The following MKS1 variants were observed in gnomAD, a reference collection of about 807,000 sequenced individuals.
The protein encoded by MKS1 is MKS transition zone complex subunit 1.
A neutral mutation model predicts 83.7 loss-of-function variants in MKS1; 70 were observed. The ratio of observed to expected loss-of-function variants is 0.84; its 90% confidence interval spans 0.69 to 1.02. The LOEUF (loss-of-function observed/expected upper bound fraction) is 1.02, where lower values mean the gene tolerates loss of function less well. Among genes scored for constraint, MKS1 ranks in the 50% least tolerant of loss-of-function variants. MKS1 has a pLI of 0.00. For missense variants in MKS1, 681 were observed against 726.9 expected (o/e 0.94, Z 0.73); for synonymous variants, 251 against 273.4 (o/e 0.92, Z 0.81).
intron 14 of MKS1, chr17:58,207,624 A>G: frequency 1.7e-6 from 1 of 572,240 alleles, no homozygotes; most frequent in Non-Finnish European, 3.1e-6. Flanking sequence ...CACATATGCT[A>G]TGAGCCAATT....
intron 9 of MKS1, 23 bp downstream of exon 9, chr17:58,212,354 GC>G: frequency 6.2e-7 from 1 of 1,607,184 alleles, no homozygotes; most frequent in Admixed American, 1.7e-5. Flanking sequence ...AGCTCACAGT[GC>G]TGCAGGAAGC....
chr17:58,208,619 G>A (rs1192966178), intron 11 of MKS1, 36 bp from the exon 12 acceptor site: 2 of 1,585,044 alleles, frequency 1.3e-6, no homozygotes, highest in African/African-American at 1.3e-5. Context: ...AAGCTCGCCT[G>A]GGAGGAAAGC....
At chr17:58,211,484 A>G (rs1159194623) in intron 9 of MKS1, among the ~76,000 whole-genome samples, 4 of 152,266 alleles carry the variant, frequency 2.6e-5, no homozygotes, top group African/African-American at 7.2e-5. Context: ...AAGTAATTCT[A>G]TCCTTGTTTC....
At chr17:58,214,889 A>G (rs771519600) in intron 4 of MKS1, 51 bp from the exon 5 acceptor site, 2 of 1,562,438 alleles carry the variant, frequency 1.3e-6, no homozygotes, top group Non-Finnish European at 1.7e-6. Context: ...GGCCACATGG[A>G]GCCAAGTACC....
At chr17:58,210,280 G>A (rs766925299) in intron 11 of MKS1, among the ~76,000 whole-genome samples, 12 of 152,156 alleles carry the variant, frequency 7.9e-5, no homozygotes, top group Non-Finnish European at 1.2e-4. Flanking sequence ...GATGGATGAC[G>A]TTGCCCAGGA....
In MKS1 at chr17:58,207,174, C is replaced by T. The variant is rs773075697; in HGVS notation, c.1318G>A (p.Gly440Ser). The change falls in exon 15 of 18, where the codon GGC (glycine) becomes AGC (serine). Residue 440 changes from glycine (G) to serine (S), a missense_variant. By Grantham distance (56) the Gly-to-Ser change is moderately conservative. This residue lies in a region of MKS1 where 310 missense variants were observed against 321.7 expected (regional missense o/e 0.96). Transcript: ENST00000393119. ...AACCTCCTCAGCTCAGCCACCGTGC[C>T]AAGCTCCACAGGTCTCCACGTGGAG... Reference protein sequence around the residue: ...TVSTWRPVELGTVAELRRFFI... With the variant: ...TVSTWRPVELSTVAELRRFFI... The T allele has an allele frequency of 1.9e-6, 3 of 1,614,174 alleles. No homozygotes were observed. Among genetic ancestry groups the T allele is most frequent in the Non-Finnish European group, 2.5e-6 (3 of 1,180,036 alleles).
At chr17:58,210,619 T>C in intron 11 of MKS1, 40 bp downstream of exon 11, 2 of 1,572,758 alleles carry the variant, frequency 1.3e-6, no homozygotes, top group South Asian at 1.1e-5. Flanking sequence ...TAGATCTGTC[T>C]GAATGGGTAT....
At chr17:58,214,704 AG>A in intron 5 of MKS1, 36 bp downstream of exon 5, 1 of 1,578,796 alleles carries the variant, frequency 6.3e-7, no homozygotes, top group Admixed American at 1.8e-5. Context: ...GGAAATAAAA[AG>A]TAAAAGCTTG....
Position 58,216,242 on chromosome 17 carries a change from A to C in MKS1, c.263T>G (p.Phe88Cys), listed in dbSNP as rs886053170. 1 of 1,612,338 alleles carries C rather than the reference A, an allele frequency of 6.2e-7. No homozygotes were observed. Among genetic ancestry groups the C allele is most frequent in the Admixed American group, 1.7e-5 (1 of 60,032 alleles). ...IGWQEKLFSQ[F>C]EVDLYQNETA... is the part of the protein sequence containing the mutation. ...TTCATTTTGGTACAGATCTACTTCA[A>C]ACTGAGGTTACCATAAGGAAACAGA... Residue 88 changes from phenylalanine to cysteine, a missense_variant and splice_region_variant, in exon 4 of 18, where the codon TTT becomes TGT. Physicochemically the swap from Phe to Cys is radical, Grantham distance 205 (BLOSUM62 -2). Transcript: ENST00000393119.
intron 2 of MKS1, 92 bp downstream of exon 2, chr17:58,218,528 A>AGTATAGTATT: frequency 1.3e-6 from 1 of 798,538 alleles, no homozygotes; most frequent in Middle Eastern, 2.7e-4. Flanking sequence ...ACATATCAGA[A>AGTATAGTATT]GTATAGTATT....
chr17:58,207,210 T>A lies in MKS1; in HGVS notation c.1282A>T (p.Thr428Ser), dbSNP rs1211784754. The A allele has an allele frequency of 5.6e-6, 9 of 1,613,564 alleles. No homozygotes were observed. The highest frequency in any genetic ancestry group is 1.7e-6 in the Non-Finnish European group (2 of 1,179,920). ...GGTCTCCACGTGGAGACTGTCAGGG[T>A]GTGTGAGCCTGCGCAAGGGAAGAGA... ...VVLPATPGSH[T>S]LTVSTWRPVE... Residue 428 changes from threonine to serine, a missense_variant, in exon 15 of 18, where the codon ACC (threonine) becomes TCC (serine). Thr to Ser is a moderately conservative substitution (Grantham distance 58). This residue lies in a region of MKS1 where 310 missense variants were observed against 321.7 expected (regional missense o/e 0.96). Transcript: ENST00000393119.
At chr17:58,208,336 C>A in intron 12 of MKS1, 162 bp from the exon 13 acceptor site, 1 of 942,474 alleles carries the variant, frequency 1.1e-6, no homozygotes, top group South Asian at 1.4e-5. Flanking sequence ...AAGCTGCTGC[C>A]ATGCTCAAAA....
intron 14 of MKS1, 75 bp from the exon 15 acceptor site, chr17:58,207,293 C>G: frequency 6.3e-7 from 1 of 1,598,894 alleles, no homozygotes; most frequent in South Asian, 1.1e-5. Flanking sequence ...CCAGCAATGA[C>G]ACAGGCCTAG....
intron 8 of MKS1, 66 bp from the exon 9 acceptor site, chr17:58,212,500 T>C: frequency 4.5e-6 from 7 of 1,550,992 alleles, no homozygotes; most frequent in Non-Finnish European, 6.2e-6. Flanking sequence ...CAGTTCTGAA[T>C]GGGAAGAAGA....
In MKS1 at chr17:58,209,146, G is replaced by A. The variant is rs1053138246; in HGVS notation, c.1025-563C>T. 1.7e-4 allele frequency among the ~76,000 whole-genome samples: 26 copies of A among 151,970 alleles called. No individual in the cohort carries two copies. The highest frequency in any genetic ancestry group is 3.7e-4 in the Non-Finnish European group (25 of 68,012). On this transcript the variant is annotated intron_variant, in intron 11 of 17. Transcript: ENST00000393119. This position sits in a 1 kb window ranked among gnomAD's most constrained non-coding sequence, Gnocchi z 4.1. ...TTTTCTTTTTGACAAAACCGCCATC[G>A]TCATCATGGCCCATTCTCAATGGTC...
intron 14 of MKS1, chr17:58,207,606 A>G: frequency 1.8e-6 from 1 of 556,662 alleles, no homozygotes. Flanking sequence ...ATGCTGATTC[A>G]TTCAATACAC....
chr17:58,213,947 G>A (rs1011118954), intron 6 of MKS1, 78 bp from the exon 7 acceptor site: 1 of 1,245,786 alleles, frequency 8.0e-7, no homozygotes, highest in Admixed American at 1.7e-5. Context: ...CCCACTGCAG[G>A]GGAGAGAACA....
In MKS1 at chr17:58,212,983, T is replaced by C. The variant is rs151023718; in HGVS notation, c.857A>G (p.Asp286Gly). The C allele has an allele frequency of 9.2e-4, 1,486 of 1,613,966 alleles. 2 individuals carry two copies. The highest frequency in any genetic ancestry group is 1.2e-3 in the Non-Finnish European group (1,380 of 1,179,872). Residue 286 changes from aspartate (D) to glycine (G), a missense_variant and splice_region_variant, in exon 8 of 18, where the codon GAT (aspartate) becomes GGT (glycine). Coordinates refer to ENST00000393119, the MANE Select transcript of MKS1 (RefSeq NM_017777.4). Reference sequence around the variant, plus strand: ...TACTTGGAATGAACTTGCGCTTACATCCTTGAACACTCGCCGTTCCCGCTC... The same window carrying C: ...TACTTGGAATGAACTTGCGCTTACACCCTTGAACACTCGCCGTTCCCGCTC... ...EEERERRVFK[D>G]LYGRHKEYLS...
rs769986460 is a variant in MKS1, at chr17:58,216,394, A to T, written c.262-151T>A. 414 of 958,234 alleles carry T rather than the reference A, an allele frequency of 4.3e-4. No individual in the cohort carries two copies. The highest frequency in any genetic ancestry group is 6.9e-4 in the South Asian group (47 of 68,076). The allele number at this position is 958,234 out of a possible 1,614,324, so 59.4% of individuals were successfully genotyped here. A position where few individuals can be genotyped will look rare whatever the true frequency, so the allele number is the denominator to read the frequency against. ...CACTAAACTAATGAATGGCAGGGGA[A>T]CCAAGAACATTAGAGCTAAAAGGAA... On this transcript the variant is annotated intron_variant, in intron 3 of 17. Coordinates refer to ENST00000393119, the MANE Select transcript of MKS1 (RefSeq NM_017777.4).
Sources: gnomAD v4.1 joint callset for allele counts (sites outside exome capture counted in the v4.1 genomes callset) on GRCh38, gnomAD v4.1.1 for gene constraint, gnomAD v4.1.1 regional missense constraint, Gnocchi (gnomAD v3.1) non-coding constraint, MANE v1.5 for transcripts, NCBI Gene and HGNC (gene_info 2026-07-23, HGNC 2026-07-21) for gene names.